The following FHOD3 variants were observed in gnomAD, a reference collection of about 807,000 sequenced individuals.
FHOD3 encodes FH1/FH2 domain-containing protein 3.
A neutral mutation model predicts 173.0 loss-of-function variants in FHOD3; 90 were observed. That is an observed-to-expected ratio of 0.52 (90% CI 0.44 to 0.62). FHOD3 has a LOEUF of 0.62. Among genes scored for constraint, FHOD3 ranks in the 20% least tolerant of loss-of-function variants. The pLI, the probability that FHOD3 is intolerant of heterozygous loss-of-function variation, is 0.00. For synonymous variants in FHOD3, 828 were observed against 823.0 expected (o/e 1.01, Z -0.10); for missense variants, 1,945 against 2,034.7 (o/e 0.96, Z 0.85).
chr18:36,528,930 G>T (rs1039005088), intron 5 of FHOD3, among the ~76,000 whole-genome samples: 1 of 152,184 alleles, frequency 6.6e-6, no homozygotes, highest in African/African-American at 2.4e-5. Flanking sequence ...CACTGCCCTG[G>T]GGGTGGGTTG....
chr18:36,484,863 C>T (rs775298839), intron 3 of FHOD3, among the ~76,000 whole-genome samples: 3 of 152,158 alleles, frequency 2.0e-5, no homozygotes, highest in Non-Finnish European at 4.4e-5. Context: ...TAAGGGAGAA[C>T]TCACTGGGGC....
chr18:36,368,784 G>C (rs2047023535), intron 2 of FHOD3, among the ~76,000 whole-genome samples: 1 of 152,146 alleles, frequency 6.6e-6, no homozygotes, highest in Non-Finnish European at 1.5e-5. Context: ...GGTGGCAGGT[G>C]AGAGTGAGTG....
At chr18:36,499,070 C>T (rs2145966798) in intron 3 of FHOD3, among the ~76,000 whole-genome samples, 1 of 146,768 alleles carries the variant, frequency 6.8e-6, no homozygotes. Flanking sequence ...AAGCCTATTG[C>T]TATTTTTGTT....
chr18:36,489,334 C>T (rs1313244544), intron 3 of FHOD3, among the ~76,000 whole-genome samples: 1 of 152,112 alleles, frequency 6.6e-6, no homozygotes, highest in Non-Finnish European at 1.5e-5. Context: ...AGCCATTGTG[C>T]CATGGCCATC....
chr18:36,402,994 C>T (rs1026862792), intron 3 of FHOD3, among the ~76,000 whole-genome samples: 5 of 152,306 alleles, frequency 3.3e-5, no homozygotes, highest in South Asian at 4.1e-4. Flanking sequence ...CTTGGTTAGA[C>T]GTTGCTAAGT....
At chr18:36,485,440 C>T (rs556534801) in intron 3 of FHOD3, among the ~76,000 whole-genome samples, 6 of 152,278 alleles carry the variant, frequency 3.9e-5, no homozygotes, top group African/African-American at 4.8e-5. Flanking sequence ...TGAGCATGCG[C>T]CCACCCATAG....
intron 8 of FHOD3, among the ~76,000 whole-genome samples, chr18:36,610,130 T>C (rs1232258761): frequency 6.6e-6 from 1 of 152,206 alleles, no homozygotes; most frequent in East Asian, 1.9e-4. Context: ...TCTCTGTGCC[T>C]GGGGCTGGCC....
intron 19 of FHOD3, 95 bp downstream of exon 19, chr18:36,718,810 A>G: frequency 1.3e-6 from 2 of 1,508,044 alleles, no homozygotes; most frequent in Non-Finnish European, 8.8e-7. Context: ...TGCTTTTGCT[A>G]TTTGGTAAAA....
intron 3 of FHOD3, among the ~76,000 whole-genome samples, chr18:36,483,965 G>A (rs1270946994): frequency 6.6e-6 from 1 of 152,212 alleles, no homozygotes; most frequent in African/African-American, 2.4e-5. Context: ...TTCACCAGCT[G>A]TGGGGACACC....
chr18:36,450,476 TTTA>T (rs1346246811), intron 3 of FHOD3, among the ~76,000 whole-genome samples: 7 of 125,104 alleles, frequency 5.6e-5, no homozygotes, highest in African/African-American at 2.3e-4. Flanking sequence ...TATTTATTTA[TTTA>T]TTTATTTAAT....
chr18:36,706,839 A>C (rs911929005), intron 17 of FHOD3, among the ~76,000 whole-genome samples: 1 of 152,108 alleles, frequency 6.6e-6, no homozygotes, highest in Non-Finnish European at 1.5e-5. Context: ...TGTTGGAAAC[A>C]CATTTTTGTT....
chr18:36,338,580 G>C (rs2045444962), intron 1 of FHOD3, among the ~76,000 whole-genome samples: 1 of 152,176 alleles, frequency 6.6e-6, no homozygotes. Context: ...ATATTCTGCT[G>C]CCAGCTTGGC....
chr18:36,415,750 A>T (rs1164992632), intron 3 of FHOD3, among the ~76,000 whole-genome samples: 1 of 152,230 alleles, frequency 6.6e-6, no homozygotes, highest in Admixed American at 6.5e-5. Flanking sequence ...GACTATGTTC[A>T]GTTTTGCATT....
At chr18:36,343,889 G>A (rs1398808944) in intron 1 of FHOD3, among the ~76,000 whole-genome samples, 1 of 152,104 alleles carries the variant, frequency 6.6e-6, no homozygotes, top group Non-Finnish European at 1.5e-5. Flanking sequence ...TATAGAGACA[G>A]AAAGGAGATT....
intron 3 of FHOD3, among the ~76,000 whole-genome samples, chr18:36,459,529 A>T (rs1235888762): frequency 6.6e-6 from 1 of 152,126 alleles, no homozygotes; most frequent in East Asian, 1.9e-4. Flanking sequence ...TGAGGCCTTC[A>T]CAGACAGCCC....
intron 2 of FHOD3, among the ~76,000 whole-genome samples, chr18:36,368,594 G>A (rs1568179939): frequency 1.3e-5 from 2 of 152,126 alleles, no homozygotes; most frequent in East Asian, 1.9e-4. Flanking sequence ...TCTTTAGAAT[G>A]TCAATAATGT....
chr18:36,508,646 C>CA (rs56780791), intron 4 of FHOD3, among the ~76,000 whole-genome samples: 25,355 of 108,890 alleles, frequency 0.23, 2,322 homozygotes, highest in Non-Finnish European at 0.29. Flanking sequence ...AATGGATTGA[C>CA]AAAAAAAAAA....
intron 10 of FHOD3, among the ~76,000 whole-genome samples, chr18:36,632,253 T>C (rs770236273): frequency 6.6e-6 from 1 of 152,266 alleles, no homozygotes; most frequent in Non-Finnish European, 1.5e-5. Context: ...TTTTGTAGTA[T>C]TGAAAAGTGA....
At chr18:36,725,586 G>A (rs2041020916) in intron 19 of FHOD3, among the ~76,000 whole-genome samples, 1 of 152,076 alleles carries the variant, frequency 6.6e-6, no homozygotes, top group Non-Finnish European at 1.5e-5. Context: ...TCATACCCAA[G>A]TCAGCAAGGG....
Sources: allele counts gnomAD v4.1 joint callset (sites outside exome capture counted in the v4.1 genomes callset), GRCh38; gene constraint gnomAD v4.1.1; transcripts MANE v1.5; gene names NCBI Gene and HGNC (gene_info 2026-07-23, HGNC 2026-07-21).